The following GRM7 variants were observed in gnomAD, a reference collection of about 807,000 sequenced individuals.
The protein encoded by GRM7 is metabotropic glutamate receptor 7.
A neutral mutation model predicts 84.5 loss-of-function variants in GRM7; 35 were observed. The ratio of observed to expected loss-of-function variants is 0.41; its 90% CI spans 0.32 to 0.55. The LOEUF (loss-of-function observed/expected upper bound fraction) is 0.55, where lower values mean the gene tolerates loss of function less well. Ranked by LOEUF, GRM7 falls within the 20% of genes least tolerant of loss-of-function variation. GRM7 has a pLI of 0.19. For synonymous variants in GRM7, 487 were observed against 455.1 expected (o/e 1.07, Z -0.89); for missense variants, 1,003 against 1,194.6 (o/e 0.84, Z 2.36).
chr3:7,462,205 A>C (rs1698276999), intron 7 of GRM7, among the ~76,000 whole-genome samples: 1 of 152,186 alleles, frequency 6.6e-6, no homozygotes, highest in African/African-American at 2.4e-5. Flanking sequence ...TTTCTATAAA[A>C]TGTGACCTAA....
intron 1 of GRM7, among the ~76,000 whole-genome samples, chr3:7,068,098 G>A (rs1359741145): frequency 6.6e-6 from 1 of 151,850 alleles, no homozygotes; most frequent in Non-Finnish European, 1.5e-5. Context: ...AAGTCTTTAG[G>A]TCAAACCATC....
At chr3:7,097,448 G>A (rs1464074259) in intron 1 of GRM7, among the ~76,000 whole-genome samples, 2 of 152,060 alleles carry the variant, frequency 1.3e-5, no homozygotes, top group Non-Finnish European at 2.9e-5. Flanking sequence ...ATTATATGGA[G>A]ATCCATAATA....
chr3:7,732,304 C>T (rs112330361), intron 9 of GRM7, among the ~76,000 whole-genome samples: 3,087 of 152,208 alleles, frequency 0.02, 100 homozygotes, highest in African/African-American at 0.069. Flanking sequence ...GCACACTTCC[C>T]AAGCACTAGA....
At chr3:7,176,447 A>T (rs1055575556) in intron 2 of GRM7, among the ~76,000 whole-genome samples, 1 of 151,866 alleles carries the variant, frequency 6.6e-6, no homozygotes, top group Admixed American at 6.6e-5. Context: ...AAATCCCAAG[A>T]TGTGGCACTT....
chr3:7,259,417 C>T (rs546910319), intron 2 of GRM7, among the ~76,000 whole-genome samples: 46 of 151,938 alleles, frequency 3.0e-4, no homozygotes, highest in African/African-American at 1.1e-3. Context: ...TATTTTTTTT[C>T]TGATTCTTTT....
Position 6,863,003 on chromosome 3 carries a change from T to C in GRM7, c.519+1096T>C. ...CCCATGGCTCCTGAGCTGCACTGGG[T>C]AGGAATGAGTGGCTTTGGGGTTTGG... On this transcript the variant is annotated intron_variant, in intron 1 of 9. Transcript: ENST00000357716. The surrounding 1 kb of genome is among the most constrained non-coding windows in gnomAD (Gnocchi z 4.8). 2.2e-6 allele frequency: 1 copy of C among 456,392 alleles called. No homozygotes were observed. The highest frequency in any genetic ancestry group is 4.4e-6 in the Non-Finnish European group (1 of 226,816). 28.3% of individuals were successfully genotyped at this position (456,392 alleles called of 1,614,324 possible).
In GRM7 at chr3:7,583,664, G is replaced by T. The variant is rs528703010; in HGVS notation, c.2451+4307G>T. 2.0e-5 allele frequency among the ~76,000 whole-genome samples: 3 copies of T among 152,242 alleles called. No homozygotes were observed. The South Asian group carries it at 6.2e-4, about 32-fold the overall frequency. The stretch of plus-strand genomic sequence containing the variant: ...GACTTAAAGAACAGTCAAGGAATTG[G>T]GGTGTGCTTTAATTCTTGTTGGTTT... On this transcript the variant is annotated intron_variant, in intron 8 of 9. Coordinates refer to ENST00000357716, the MANE Select transcript of GRM7 (RefSeq NM_000844.4).
At chr3:7,137,895 C>T (rs1321424822) in intron 1 of GRM7, among the ~76,000 whole-genome samples, 2 of 152,026 alleles carry the variant, frequency 1.3e-5, no homozygotes, top group African/African-American at 4.8e-5. Flanking sequence ...TTCATTCAAA[C>T]TGAGAAATAA....
intron 1 of GRM7, among the ~76,000 whole-genome samples, chr3:6,875,223 CT>C (rs542219614): frequency 0.082 from 11,714 of 143,340 alleles, 564 homozygotes; most frequent in Non-Finnish European, 0.11. Flanking sequence ...TGGTTCTGCA[CT>C]TTTTTTTTTT....
chr3:7,216,640 C>T (rs531404048), intron 2 of GRM7, among the ~76,000 whole-genome samples: 2 of 152,176 alleles, frequency 1.3e-5, no homozygotes, highest in Non-Finnish European at 2.9e-5. Flanking sequence ...CCCTCACTCT[C>T]CCTAAAAATT....
At chr3:7,670,629 A>C (rs1699879622) in intron 8 of GRM7, among the ~76,000 whole-genome samples, 1 of 152,032 alleles carries the variant, frequency 6.6e-6, no homozygotes. Flanking sequence ...GTTCATTAGA[A>C]CTATGAAGAT....
chr3:7,261,709 G>A (rs530589408), intron 2 of GRM7, among the ~76,000 whole-genome samples: 2 of 152,322 alleles, frequency 1.3e-5, no homozygotes, highest in Admixed American at 1.3e-4. Flanking sequence ...ACTTACGTGT[G>A]TCTTGCAGTT....
At chr3:7,055,416 C>T (rs1300438423) in intron 1 of GRM7, among the ~76,000 whole-genome samples, 6 of 151,322 alleles carry the variant, frequency 4.0e-5, no homozygotes, top group South Asian at 2.1e-4. Flanking sequence ...GTCAGGCTAA[C>T]GATTTCCTCT....
intron 6 of GRM7, 46 bp downstream of exon 6, chr3:7,452,853 A>T: frequency 8.5e-7 from 1 of 1,174,606 alleles, no homozygotes; most frequent in Non-Finnish European, 1.3e-6. Flanking sequence ...AAGTGTTGGC[A>T]TTCTGTTTCA....
intron 4 of GRM7, among the ~76,000 whole-genome samples, chr3:7,320,476 C>T (rs1177707510): frequency 6.6e-6 from 1 of 152,040 alleles, no homozygotes; most frequent in Non-Finnish European, 1.5e-5. Context: ...TCAGACTCTT[C>T]TCTCTATCCC....
At chr3:7,489,668 T>C (rs1043060029) in intron 7 of GRM7, among the ~76,000 whole-genome samples, 1 of 152,192 alleles carries the variant, frequency 6.6e-6, no homozygotes, top group African/African-American at 2.4e-5. Flanking sequence ...TTTGTGTGTA[T>C]GCATAATATT....
At chr3:6,964,837 T>C (rs185506653) in intron 1 of GRM7, among the ~76,000 whole-genome samples, 4 of 152,352 alleles carry the variant, frequency 2.6e-5, no homozygotes, top group Admixed American at 2.0e-4. Context: ...CTGACAGCAA[T>C]GCCGTTAGCG....
intron 8 of GRM7, among the ~76,000 whole-genome samples, chr3:7,677,317 T>A (rs1289613580): frequency 6.8e-6 from 1 of 146,314 alleles, no homozygotes; most frequent in African/African-American, 2.5e-5. Context: ...TTATTAATAC[T>A]ATGTGCTAGG....
Position 7,532,461 on chromosome 3 carries a change from G to A in GRM7, c.1516-45961G>A, listed in dbSNP as rs573551034. ...AGTTTGTATTTCTGGGGGATCAGTG[G>A]TGATACCCCCTTTATTATTTTTTAT... On this transcript the variant is annotated intron_variant, in intron 7 of 9. Coordinates refer to ENST00000357716, the MANE Select transcript of GRM7 (RefSeq NM_000844.4). Among the ~76,000 whole-genome samples, 25 of 152,150 alleles carry A rather than the reference G, an allele frequency of 1.6e-4. No homozygotes were observed. In the South Asian group the frequency reaches 5.0e-3, roughly 30 times the overall value.
Sources: allele counts gnomAD v4.1 joint callset (sites outside exome capture counted in the v4.1 genomes callset), GRCh38; gene constraint gnomAD v4.1.1; non-coding constraint Gnocchi (gnomAD v3.1); transcripts MANE v1.5; gene names NCBI Gene and HGNC (gene_info 2026-07-23, HGNC 2026-07-21).